Variants in TET2 observed in about 807,000 individuals in gnomAD.
The protein encoded by TET2 is tet methylcytosine dioxygenase 2.
In TET2, 299 loss-of-function variants were observed where a neutral mutation model predicts 142.9. The observed-to-expected ratio is 2.09, with a 90% CI of 1.90 to 2.30. TET2 has a LOEUF of 2.30. Among genes scored for constraint, TET2 ranks in the 30% most tolerant of loss-of-function variants. The probability of loss-of-function intolerance (pLI) is 0.00; values close to 1 mark genes in which losing one functional copy is unlikely to be tolerated. For synonymous variants in TET2, 819 were observed against 849.0 expected (o/e 0.96, Z 0.61); for missense variants, 2,418 against 2,378.0 (o/e 1.02, Z -0.35).
intron 1 of TET2, among the ~76,000 whole-genome samples, chr4:105,176,188 T>C (rs1578563009): frequency 6.6e-6 from 1 of 152,168 alleles, no homozygotes; most frequent in East Asian, 1.9e-4. Context: ...ACAGTTTACA[T>C]CATACTTAAT....
chr4:105,184,916 A>G (rs1283078028), intron 1 of TET2, among the ~76,000 whole-genome samples: 3 of 152,194 alleles, frequency 2.0e-5, no homozygotes, highest in Non-Finnish European at 4.4e-5. Context: ...GGAAACATCT[A>G]TTACTGGGGC....
chr4:105,210,463 TA>T (rs568635638), intron 2 of TET2, among the ~76,000 whole-genome samples: 1 of 152,174 alleles, frequency 6.6e-6, no homozygotes, highest in South Asian at 2.1e-4. Flanking sequence ...ATTGGTAGGT[TA>T]ACACAGTTCA....
At chr4:105,247,039 A>G (rs1048926404) in intron 6 of TET2, among the ~76,000 whole-genome samples, 1 of 152,212 alleles carries the variant, frequency 6.6e-6, no homozygotes, top group African/African-American at 2.4e-5. Context: ...GCCTTCTGCC[A>G]TGGTGGGTGA....
chr4:105,269,401 C>T (rs1390568751), intron 8 of TET2, among the ~76,000 whole-genome samples: 2 of 152,072 alleles, frequency 1.3e-5, no homozygotes, highest in Non-Finnish European at 2.9e-5. Flanking sequence ...ACTCAAATAG[C>T]ATACTTTATG....
At chr4:105,248,006 G>T (rs889772224) in intron 6 of TET2, among the ~76,000 whole-genome samples, 1 of 152,142 alleles carries the variant, frequency 6.6e-6, no homozygotes, top group African/African-American at 2.4e-5. Context: ...ACAGGCATGA[G>T]CTATCACGCC....
intron 1 of TET2, among the ~76,000 whole-genome samples, chr4:105,158,597 G>T (rs145084777): frequency 2.0e-4 from 31 of 152,154 alleles, no homozygotes; most frequent in African/African-American, 7.2e-4. Context: ...TATATCTCTG[G>T]TTTTTATGTA....
intron 2 of TET2, chr4:105,202,331 T>C (rs920102336): frequency 2.6e-5 from 4 of 152,174 alleles, no homozygotes; most frequent in Admixed American, 2.0e-4. Context: ...TAGTTCTCTT[T>C]TTTTCTAGCC....
intron 1 of TET2, among the ~76,000 whole-genome samples, chr4:105,163,471 G>T (rs1000507560): frequency 6.6e-6 from 1 of 152,176 alleles, no homozygotes; most frequent in Admixed American, 6.5e-5. Flanking sequence ...AGTAAAGTCA[G>T]TTGCCTCAAA....
intron 1 of TET2, among the ~76,000 whole-genome samples, chr4:105,173,719 G>A (rs1344319832): frequency 6.6e-6 from 1 of 152,098 alleles, no homozygotes; most frequent in Non-Finnish European, 1.5e-5. Flanking sequence ...GCAAATGCAG[G>A]CCAGGAACCC....
intron 2 of TET2, among the ~76,000 whole-genome samples, chr4:105,218,859 C>A (rs1174964769): frequency 6.6e-6 from 1 of 151,702 alleles, no homozygotes; most frequent in Non-Finnish European, 1.5e-5. Context: ...TATATAATGT[C>A]TATATTATAT....
intron 1 of TET2, among the ~76,000 whole-genome samples, chr4:105,188,224 A>AGG (rs1560736357): frequency 4.0e-4 from 61 of 151,980 alleles, no homozygotes; most frequent in African/African-American, 1.5e-3. Context: ...CTAGAAAATA[A>AGG]ATGGATCTTG....
chr4:105,206,993 A>G (rs1726863702), intron 2 of TET2, among the ~76,000 whole-genome samples: 1 of 152,180 alleles, frequency 6.6e-6, no homozygotes, highest in East Asian at 1.9e-4. Context: ...TTTGGAGTAA[A>G]CTTGTTTTTA....
At chr4:105,229,716 A>T (rs1164773286) in intron 2 of TET2, among the ~76,000 whole-genome samples, 2 of 150,454 alleles carry the variant, frequency 1.3e-5, no homozygotes, top group Non-Finnish European at 3.0e-5. Context: ...CAGCTGCCCC[A>T]TTCCTTTTCC....
At chr4:105,222,284 C>T (rs947402500) in intron 2 of TET2, among the ~76,000 whole-genome samples, 18 of 152,286 alleles carry the variant, frequency 1.2e-4, no homozygotes, top group African/African-American at 2.9e-4. Flanking sequence ...CCTGAGGAAT[C>T]GCCACACTGA....
At position 105,235,480 on chromosome 4, in the gene TET2, AG is replaced by A; in HGVS notation, c.1539del (p.Lys513AsnfsTer20). The A allele has an allele frequency of 6.2e-7, 1 of 1,614,190 alleles. No individual in the cohort carries two copies. Among genetic ancestry groups the A allele is most frequent in the Non-Finnish European group, 8.5e-7 (1 of 1,180,024 alleles). ...EKTRPMSEHL[K>X]HNPPIFGSSG... ...ACAAGACCAATGTCAGAACACCTCA[AG>A]CATAACCCACCAATTTTTGGTAGCA... On this transcript the variant is annotated frameshift_variant, in exon 3 of 11. Coordinates refer to ENST00000380013, the MANE Select transcript of TET2 (RefSeq NM_001127208.3). LOFTEE classifies it high-confidence loss of function.
In TET2 at chr4:105,240,561, A is replaced by G. The variant is rs375575362; in HGVS notation, c.3410-778A>G. The G allele has an allele frequency of 8.6e-5, 93 of 1,079,500 alleles. No individual in the cohort carries two copies. The African/African-American group carries it at 1.2e-3, about 14-fold the overall frequency. 66.9% of individuals were successfully genotyped at this position (1,079,500 alleles called of 1,614,324 possible). A position where few individuals can be genotyped will look rare whatever the true frequency, so the allele number is the denominator to read the frequency against. On this transcript the variant is annotated intron_variant, in intron 3 of 10. Transcript: ENST00000380013. ...CAATGAGATACCCCACACTGTGTAG[A>G]AGGATGGAGGGAGGACTCCTACTGT...
chr4:105,201,899 C>A (rs551305900), intron 2 of TET2, among the ~76,000 whole-genome samples: 3 of 151,530 alleles, frequency 2.0e-5, no homozygotes, highest in African/African-American at 7.3e-5. Context: ...ATGCCACCAC[C>A]CCTGGCTAAT....
intron 1 of TET2, among the ~76,000 whole-genome samples, chr4:105,173,458 A>C (rs1311404985): frequency 6.6e-6 from 1 of 151,898 alleles, no homozygotes; most frequent in Non-Finnish European, 1.5e-5. Flanking sequence ...GATTGAACCC[A>C]GGAGGTGGAG....
chr4:105,165,331 G>A lies in TET2; in HGVS notation c.-193+18352G>A, dbSNP rs142092122. On this transcript the variant is annotated intron_variant, in intron 1 of 10. Transcript: ENST00000380013. ...GCAGAGGTTGCAGTGAGCTGAGATC[G>A]TGCCATTGCACTCCAGCCTGGGTGA... Among the ~76,000 whole-genome samples the A allele has an allele frequency of 6.0e-3, 914 of 152,220 alleles. 34 individuals carry two copies. The highest frequency in any genetic ancestry group is 0.054 in the Admixed American group (826 of 15,288).
Sources: gnomAD v4.1 joint callset for allele counts (sites outside exome capture counted in the v4.1 genomes callset) on GRCh38, gnomAD v4.1.1 for gene constraint, MANE v1.5 for transcripts, NCBI Gene and HGNC (gene_info 2026-07-23, HGNC 2026-07-21) for gene names.